The following ADAR variants were observed in gnomAD, a reference collection of about 807,000 sequenced individuals.
The protein encoded by ADAR is adenosine deaminase RNA specific.
In ADAR, 41 loss-of-function variants were observed where a neutral mutation model predicts 113.2. The observed-to-expected ratio is 0.36, with a 90% confidence interval of 0.28 to 0.47. The LOEUF is 0.47. ADAR is among the 20% of genes least tolerant of loss of function. The pLI is 1.00. For synonymous variants in ADAR, 605 were observed against 572.6 expected, an observed-to-expected ratio of 1.06 and a Z score of -0.81; for missense variants, 1,242 against 1,540.9, an observed-to-expected ratio of 0.81 and a Z score of 3.25.
At chr1:154,618,310 C>G (rs1234123710) in intron 1 of ADAR, among the ~76,000 whole-genome samples, 2 of 152,008 alleles carry the variant, frequency 1.3e-5, no homozygotes, top group African/African-American at 4.8e-5. Context: ...AATAGAAGGA[C>G]ATACCAGTCT....
At position 154,602,024 on chromosome 1, in the gene ADAR, C is replaced by T. The variant is rs1012436976; in HGVS notation, c.618G>A (p.Gln206=). ...KIAVSTQAWN[Q]HSGVVRPDGH... is the part of the protein sequence containing the mutation. ...CGTCTGGTCTTACCACTCCGCTGTGCTGGTTCCAAGCCTGAGTGGAGACCG... is the reference window on the plus strand; with the variant it reads ...CGTCTGGTCTTACCACTCCGCTGTGTTGGTTCCAAGCCTGAGTGGAGACCG... The change falls in exon 2 of 15, where the codon CAG becomes CAA. Residue 206 remains glutamine (Q), a synonymous_variant. Coordinates refer to ENST00000368474, the MANE Select transcript of ADAR (RefSeq NM_001111.5). 11 of 1,614,130 alleles carry T rather than the reference C, an allele frequency of 6.8e-6. No individual in the cohort carries two copies. Among genetic ancestry groups the T allele is most frequent in the Non-Finnish European group, 9.3e-6 (11 of 1,180,056 alleles).
Position 154,589,466 on chromosome 1 carries a change from G to C in ADAR, c.2669-4C>G, listed in dbSNP as rs1042509653. The C allele has an allele frequency of 6.2e-7, 1 of 1,609,640 alleles. No homozygotes were observed. The highest frequency in any genetic ancestry group is 8.5e-7 in the Non-Finnish European group (1 of 1,175,954). On this transcript the variant is annotated splice_region_variant and splice_polypyrimidine_tract_variant and intron_variant, in intron 8 of 14. Coordinates refer to ENST00000368474, the MANE Select transcript of ADAR (RefSeq NM_001111.5). ...TCTCCTTTCACACAGCGATTCCCTA[G>C]GAAGGTGTTTAAAACAGAAATAGAA... is the stretch of plus-strand genomic sequence containing the variant.
At chr1:154,593,190 C>T (rs144185296) in intron 6 of ADAR, among the ~76,000 whole-genome samples, 409 of 149,448 alleles carry the variant, frequency 2.7e-3, no homozygotes, top group African/African-American at 8.4e-3. Flanking sequence ...TTAACGTCAC[C>T]AGCCACAGTA....
At position 154,602,438 on chromosome 1, in the gene ADAR, G is replaced by GAGGGA; in HGVS notation, c.199_203dup (p.Gly70SerfsTer66). On this transcript the variant is annotated frameshift_variant, in exon 2 of 15. Transcript: ENST00000368474. LOFTEE classifies it high-confidence loss of function. ...CTGGAAACCTTGGCCGGAGTCCTGG[G>GAGGGA]AGGGAAGGTGGCAGTGACGGTGTCT... 6.2e-7 allele frequency: 1 copy of GAGGGA among 1,612,236 alleles called. No individual in the cohort carries two copies. Among genetic ancestry groups the GAGGGA allele is most frequent in the Non-Finnish European group, 8.5e-7 (1 of 1,178,838 alleles).
At chr1:154,585,594 C>G in intron 13 of ADAR, 159 bp downstream of exon 13, 1 of 873,962 alleles carries the variant, frequency 1.1e-6, no homozygotes, top group Middle Eastern at 2.5e-4. Flanking sequence ...TCTTGGGAGA[C>G]CAACCAATGT....
chr1:154,593,043 G>A (rs11264223), intron 6 of ADAR, among the ~76,000 whole-genome samples: 58,648 of 146,352 alleles, frequency 0.4, 13,204 homozygotes, highest in East Asian at 0.57. Flanking sequence ...GCTGAGGCAA[G>A]AGAATTGTTT....
In ADAR at chr1:154,603,933, C is replaced by G. The variant is rs571116611; in HGVS notation, c.16-1307G>C. Among the ~76,000 whole-genome samples, 12 of 152,288 alleles carry G rather than the reference C, an allele frequency of 7.9e-5. No homozygotes were observed. The South Asian group carries it at 2.5e-3, about 32-fold the overall frequency. The stretch of plus-strand genomic sequence containing the variant: ...TTTCAGCATTCTTGTCAATCACTCT[C>G]ATGGTGTCCTGGCTACAAGGATCCT... On this transcript the variant is annotated intron_variant, in intron 1 of 14. Coordinates refer to ENST00000368474, the MANE Select transcript of ADAR (RefSeq NM_001111.5).
chr1:154,627,940 G>T (rs995137175), exon 1 of ADAR: 3 of 302,074 alleles, frequency 9.9e-6, no homozygotes, highest in Non-Finnish European at 2.0e-5. Context: ...CCCCCACCAC[G>T]TAGCCTTCTC....
chr1:154,598,358 A>G (rs764230624), intron 3 of ADAR, 44 bp downstream of exon 3: 1 of 1,600,960 alleles, frequency 6.2e-7, no homozygotes, highest in East Asian at 2.2e-5. Flanking sequence ...CAATCCAGAC[A>G]CTGACAGGGA....
intron 1 of ADAR, among the ~76,000 whole-genome samples, chr1:154,603,805 GC>G (rs1698030723): frequency 6.6e-6 from 1 of 152,020 alleles, no homozygotes. Flanking sequence ...CACACTCACC[GC>G]CCCCTCCTCA....
At position 154,584,770 on chromosome 1, in the gene ADAR, T is replaced by TA. The variant is rs1696633923; in HGVS notation, c.*35dup. On this transcript the variant is annotated 3_prime_UTR_variant, in exon 15 of 15. Coordinates refer to ENST00000368474, the MANE Select transcript of ADAR (RefSeq NM_001111.5). ...ACGACCTACCTCTCTCACACCCTAG[T>TA]ATGACACACCCTAATCCATCTGTCA... 1 of 1,552,934 alleles carries TA rather than the reference T, an allele frequency of 6.4e-7. No individual in the cohort carries two copies. Among genetic ancestry groups the TA allele is most frequent in the African/African-American group, 1.4e-5 (1 of 73,666 alleles).
In ADAR at chr1:154,586,340, A is replaced by T. The variant is rs1376775455; in HGVS notation, c.3043T>A (p.Ser1015Thr). 6.2e-7 allele frequency: 1 copy of T among 1,614,032 alleles called. No individual in the cohort carries two copies. Among genetic ancestry groups the T allele is most frequent in the Non-Finnish European group, 8.5e-7 (1 of 1,180,036 alleles). Residue 1015 changes from serine (S) to threonine (T), a missense_variant, in exon 12 of 15, where the codon TCC becomes ACC. This residue lies in a region of ADAR where 780 missense variants were observed against 1,057.9 expected (regional missense o/e 0.74). Transcript: ENST00000368474. ...ENGEGTIPVE[S>T]SDIVPTWDGI... ...TCCCACGTAGGCACAATGTCACTGGATTCCACAGGGATTGTGCCTTCTCCT... is the reference window on the plus strand; with the variant it reads ...TCCCACGTAGGCACAATGTCACTGGTTTCCACAGGGATTGTGCCTTCTCCT...
At chr1:154,624,189 C>T (rs1698872575) in intron 1 of ADAR, among the ~76,000 whole-genome samples, 1 of 152,072 alleles carries the variant, frequency 6.6e-6, no homozygotes, top group Non-Finnish European at 1.5e-5. Flanking sequence ...AGGAAAAAAC[C>T]TTTTTTTGCT....
Position 154,602,319 on chromosome 1 carries a change from A to T in ADAR, c.323T>A (p.Phe108Tyr). 1 of 1,613,158 alleles carries T rather than the reference A, an allele frequency of 6.2e-7. No homozygotes were observed. Among genetic ancestry groups the T allele is most frequent in the Non-Finnish European group, 8.5e-7 (1 of 1,179,460 alleles). The change falls in exon 2 of 15, where the codon TTC becomes TAC. Residue 108 changes from phenylalanine (F) to tyrosine (Y), a missense_variant. Around this residue, in one of 2 missense-constraint regions of ADAR, gnomAD observed 462 missense variants for 483.1 expected, o/e 0.96. Coordinates refer to ENST00000368474, the MANE Select transcript of ADAR (RefSeq NM_001111.5). ...HLRSQGLQRG[F>Y]QHPSPRGRSL... ...CCTGCCACGTGGTGAAGGATGCTGG[A>T]ACCCTCTCTGGAGCCCCTGACTTCT...
chr1:154,623,695 AG>A (rs1698856062), intron 1 of ADAR, among the ~76,000 whole-genome samples: 1 of 152,146 alleles, frequency 6.6e-6, no homozygotes, highest in Admixed American at 6.5e-5. Context: ...GAGCTTTTTC[AG>A]TATGCATAGA....
At chr1:154,607,556 C>G (rs1367677233) in intron 1 of ADAR, among the ~76,000 whole-genome samples, 1 of 152,116 alleles carries the variant, frequency 6.6e-6, no homozygotes, top group Admixed American at 6.6e-5. Context: ...GGGGCCCTAG[C>G]AGAAAGGGAG....
rs767879893 is a variant in ADAR at position 154,588,632 on chromosome 1, G to A, written c.2804C>T (p.Ala935Val). The A allele has an allele frequency of 1.2e-5, 20 of 1,613,924 alleles. No individual in the cohort carries two copies. Among genetic ancestry groups the A allele is most frequent in the Middle Eastern group, 1.6e-4 (1 of 6,084 alleles). ...AGCAGGTTCAAATATACTATCCTTC[G>A]CAGTCTGGGAGTTGTATTTCATTAA... ...SELMKYNSQT[A>V]KDSIFEPAKG... The change falls in exon 10 of 15, where the codon GCG (alanine) becomes GTG (valine). Residue 935 changes from alanine (A) to valine (V), a missense_variant. Physicochemically the swap from Ala to Val is moderately conservative, Grantham distance 64. Coordinates refer to ENST00000368474, the MANE Select transcript of ADAR (RefSeq NM_001111.5).
chr1:154,601,230 C>A lies in ADAR; in HGVS notation c.1412G>T (p.Gly471Val), dbSNP rs1697852164. 3 of 1,614,204 alleles carry A rather than the reference C, an allele frequency of 1.9e-6. No individual in the cohort carries two copies. The highest frequency in any genetic ancestry group is 2.5e-6 in the Non-Finnish European group (3 of 1,180,032). Reference sequence around the variant, plus strand: ...CATCTCCATGATGGCTCGAAACTCACCTGGTGCTGCGCGGATACTATTCAA... The same window carrying A: ...CATCTCCATGATGGCTCGAAACTCAACTGGTGCTGCGCGGATACTATTCAA... ...DDLNSIRAAP[G>V]EFRAIMEMPS... The change falls in exon 2 of 15, where the codon GGT becomes GTT. Residue 471 changes from glycine to valine, a missense_variant. Physicochemically the swap from Gly to Val is moderately radical, Grantham distance 109. Coordinates refer to ENST00000368474, the MANE Select transcript of ADAR (RefSeq NM_001111.5). The surrounding 1 kb of genome is among the most constrained non-coding windows in gnomAD (Gnocchi z 4.7).
upstream of ADAR, among the ~76,000 whole-genome samples, chr1:154,611,399 A>G (rs1348359195): frequency 6.6e-6 from 1 of 152,094 alleles, no homozygotes; most frequent in Non-Finnish European, 1.5e-5. Context: ...TCTTATTCAT[A>G]AACGTTTCAT....
Sources: allele counts gnomAD v4.1 joint callset (sites outside exome capture counted in the v4.1 genomes callset), GRCh38; gene constraint gnomAD v4.1.1; regional missense constraint gnomAD v4.1.1; non-coding constraint Gnocchi (gnomAD v3.1); transcripts MANE v1.5; gene names NCBI Gene and HGNC (gene_info 2026-07-23, HGNC 2026-07-21).